ZNF131: variants seen among roughly 807,000 people sequenced by gnomAD.
ZNF131 encodes the protein zinc finger and BTB domain containing 35.
ZNF131 carries 7 observed loss-of-function variants against 60.0 expected under a neutral mutation model. The ratio of observed to expected loss-of-function variants is 0.12; its 90% CI spans 0.07 to 0.22. ZNF131 has a LOEUF of 0.22. Among genes scored for constraint, ZNF131 ranks in the 10% least tolerant of loss-of-function variants. The pLI is 1.00. For synonymous variants in ZNF131, 257 were observed against 253.2 expected, an observed-to-expected ratio of 1.01 and a Z score of -0.14; for missense variants, 493 against 740.9, an observed-to-expected ratio of 0.67 and a Z score of 3.88.
chr5:43,144,237 CTTTTTTTTTTTTTTTTTTTTTT>C (rs935655531), intron 4 of ZNF131, among the ~76,000 whole-genome samples: 1 of 65,296 alleles, frequency 1.5e-5, no homozygotes, highest in Admixed American at 2.4e-4. Context: ...TTCTTTCTTT[CTTTTTTTTTTTTTTTTTTTTTT>C]TTTTTTTTGG....
chr5:43,174,275 CA>C (rs990249013), intron 6 of ZNF131, among the ~76,000 whole-genome samples, 171 bp from the exon 7 acceptor site: 1 of 152,144 alleles, frequency 6.6e-6, no homozygotes. Context: ...GCTAGAAGTC[CA>C]AATGAACCAA....
intron 4 of ZNF131, among the ~76,000 whole-genome samples, chr5:43,155,278 G>C (rs148816833): frequency 4.1e-4 from 63 of 152,286 alleles, no homozygotes; most frequent in African/African-American, 1.4e-3. Context: ...ATGAAGTCTT[G>C]AGTTTACTCA....
At chr5:43,141,629 A>G (rs1746834277) in intron 4 of ZNF131, among the ~76,000 whole-genome samples, 1 of 152,054 alleles carries the variant, frequency 6.6e-6, no homozygotes, top group Non-Finnish European at 1.5e-5. Context: ...ATTAGCTGGC[A>G]CTGTGGCGTG....
chr5:43,171,278 G>A (rs907502255), intron 5 of ZNF131, among the ~76,000 whole-genome samples: 43 of 152,114 alleles, frequency 2.8e-4, no homozygotes, highest in Non-Finnish European at 1.2e-4. Flanking sequence ...TAGAGAAAGA[G>A]GTTTCCCTTT....
Position 43,161,274 on chromosome 5 carries a change from G to A in ZNF131, c.397G>A (p.Glu133Lys). 6.2e-7 allele frequency: 1 copy of A among 1,610,762 alleles called. No homozygotes were observed. Among genetic ancestry groups the A allele is most frequent in the Non-Finnish European group, 8.5e-7 (1 of 1,179,110 alleles). ...GAACAAAGAAAACTCAGCTCCCTTA[G>A]AGGAAAATACCACAGGAAAAAATGA... is the stretch of plus-strand genomic sequence containing the variant. ...VRNKENSAPL[E>K]ENTTGKNEAK... Residue 133 changes from glutamate to lysine, a missense_variant, in exon 5 of 7, where the codon GAG becomes AAG. By Grantham distance (56) the Glu-to-Lys change is moderately conservative. Transcript: ENST00000682664.
chr5:43,139,139 T>C lies in ZNF131; in HGVS notation c.227-26T>C, dbSNP rs776004757. ...TAAGATTTGAGTCAATATGATTACA[T>C]GCTCTAATGTACATCTTCTTTACAG... is the stretch of plus-strand genomic sequence containing the variant. On this transcript the variant is annotated intron_variant, in intron 3 of 6. Transcript: ENST00000682664. 3 of 1,512,948 alleles carry C rather than the reference T, an allele frequency of 2.0e-6. No homozygotes were observed. The African/African-American group carries it at 4.2e-5, about 21-fold the overall frequency. 93.7% of individuals were successfully genotyped at this position (1,512,948 alleles called of 1,614,324 possible). A position where few individuals can be genotyped will look rare whatever the true frequency, so the allele number is the denominator to read the frequency against.
intron 4 of ZNF131, among the ~76,000 whole-genome samples, chr5:43,148,413 G>T (rs1561418763): frequency 6.6e-6 from 1 of 152,198 alleles, no homozygotes; most frequent in Non-Finnish European, 1.5e-5. Context: ...TTACATATTT[G>T]TGTGCAACAC....
At chr5:43,170,799 ATTT>A (rs10710400) in intron 5 of ZNF131, among the ~76,000 whole-genome samples, 3 of 138,594 alleles carry the variant, frequency 2.2e-5, no homozygotes, top group Non-Finnish European at 1.6e-5. Context: ...TGCCCAGCTA[ATTT>A]TTTTTTTTTT....
intron 4 of ZNF131, among the ~76,000 whole-genome samples, chr5:43,145,752 A>G (rs1011875329): frequency 1.3e-5 from 2 of 152,092 alleles, no homozygotes; most frequent in African/African-American, 2.4e-5. Context: ...AAGATGCACA[A>G]TTTTTTTCCT....
intron 3 of ZNF131, among the ~76,000 whole-genome samples, chr5:43,134,351 A>G (rs796165911): frequency 5.3e-5 from 8 of 152,300 alleles, no homozygotes; most frequent in African/African-American, 1.9e-4. Context: ...TCTTAAACAA[A>G]CGAGGAATAG....
chr5:43,159,371 G>A (rs1412367592), intron 4 of ZNF131, among the ~76,000 whole-genome samples: 3 of 152,106 alleles, frequency 2.0e-5, no homozygotes, highest in Non-Finnish European at 4.4e-5. Flanking sequence ...AGTTTACTGA[G>A]TTGTGAGAAT....
chr5:43,173,082 C>G, intron 5 of ZNF131: 2 of 315,966 alleles, frequency 6.3e-6, no homozygotes, highest in Non-Finnish European at 1.1e-5. Context: ...AATTTAGATG[C>G]AAATTATATT....
intron 4 of ZNF131, among the ~76,000 whole-genome samples, chr5:43,151,724 C>T (rs953838589): frequency 7.2e-5 from 11 of 152,006 alleles, no homozygotes; most frequent in South Asian, 2.1e-4. Context: ...GACGAGCCAC[C>T]GCGCCTTGCC....
rs781421705 is a variant in ZNF131 at position 43,139,247 on chromosome 5, T to A, written c.309T>A (p.Asn103Lys). Reference protein sequence around the residue: ...KLMIQGEEEANDVWKAAEFLQ... With the variant: ...KLMIQGEEEAKDVWKAAEFLQ... The stretch of plus-strand genomic sequence containing the variant: ...TGATACAAGGAGAAGAAGAAGCCAA[T>A]GATGTATGGAAAGCAGCAGAGTTTC... The change falls in exon 4 of 7, where the codon AAT becomes AAA. Residue 103 changes from asparagine (N) to lysine (K), a missense_variant. Physicochemically the swap from Asn to Lys is moderately conservative, Grantham distance 94. Coordinates refer to ENST00000682664, the MANE Select transcript of ZNF131 (RefSeq NM_001330707.2). 6.2e-7 allele frequency: 1 copy of A among 1,612,982 alleles called. No homozygotes were observed. Among genetic ancestry groups the A allele is most frequent in the Admixed American group, 1.7e-5 (1 of 59,804 alleles).
At chr5:43,126,499 A>C (rs1744567072) in intron 3 of ZNF131, among the ~76,000 whole-genome samples, 1 of 152,126 alleles carries the variant, frequency 6.6e-6, no homozygotes, top group Non-Finnish European at 1.5e-5. Context: ...TGTATACACA[A>C]ATTTAGAGGA....
chr5:43,141,728 C>G (rs1157398768), intron 4 of ZNF131, among the ~76,000 whole-genome samples: 1 of 151,574 alleles, frequency 6.6e-6, no homozygotes, highest in Non-Finnish European at 1.5e-5. Flanking sequence ...CGAGATTGCA[C>G]CACTGCACTC....
Position 43,161,621 on chromosome 5 carries a change from A to C in ZNF131, c.744A>C (p.Glu248Asp). The change falls in exon 5 of 7, where the codon GAA becomes GAC. Residue 248 changes from glutamate to aspartate, a missense_variant. Glu to Asp is a conservative substitution (Grantham distance 45, BLOSUM62 2). Around this residue, in one of 7 missense-constraint regions of ZNF131, gnomAD observed 138 missense variants for 158.7 expected, o/e 0.87. Transcript: ENST00000682664. ...CGAGCAAACAGGTAGAAGGTATTGA[A>C]ATTGTGGAACTTCAGCTGTCACATG... is the stretch of plus-strand genomic sequence containing the variant. ...DPTSKQVEGIEIVELQLSHVK... is the reference protein window; with the variant it reads ...DPTSKQVEGIDIVELQLSHVK... The C allele has an allele frequency of 3.1e-6, 5 of 1,614,222 alleles. No homozygotes were observed. The highest frequency in any genetic ancestry group is 4.2e-6 in the Non-Finnish European group (5 of 1,180,022).
In ZNF131 at chr5:43,161,469, A is replaced by G. The variant is rs1420523029; in HGVS notation, c.592A>G (p.Lys198Glu). The part of the protein sequence containing the change: ...EEVASAKQSV[K>E]YIQSTGSSDD... ...AGTGGCTTCTGCCAAGCAGTCCGTAAAGTACATACAGAGCACAGGTTCCTC... is the reference window on the plus strand; with the variant it reads ...AGTGGCTTCTGCCAAGCAGTCCGTAGAGTACATACAGAGCACAGGTTCCTC... The change falls in exon 5 of 7, where the codon AAG (lysine) becomes GAG (glutamate). Residue 198 changes from lysine to glutamate, a missense_variant. Transcript: ENST00000682664. 7.4e-6 allele frequency: 12 copies of G among 1,614,122 alleles called. No homozygotes were observed. Among genetic ancestry groups the G allele is most frequent in the African/African-American group, 1.3e-5 (1 of 74,946 alleles).
chr5:43,167,040 G>A (rs1750455582), intron 5 of ZNF131, among the ~76,000 whole-genome samples: 2 of 152,166 alleles, frequency 1.3e-5, no homozygotes, highest in Non-Finnish European at 1.5e-5. Context: ...TGCCTCTCAA[G>A]GAATAGAGAG....
Sources: allele counts gnomAD v4.1 joint callset (sites outside exome capture counted in the v4.1 genomes callset), GRCh38; gene constraint gnomAD v4.1.1; regional missense constraint gnomAD v4.1.1; transcripts MANE v1.5; gene names NCBI Gene and HGNC (gene_info 2026-07-23, HGNC 2026-07-21).